The following ZFHX3 variants were observed in gnomAD, a reference collection of about 807,000 sequenced individuals.
The protein encoded by ZFHX3 is zinc finger homeobox protein 3.
Under a neutral mutation model 279.1 loss-of-function variants are expected in ZFHX3, and 42 were observed. That is an observed-to-expected ratio of 0.15 (90% CI 0.12 to 0.19). ZFHX3 has a LOEUF of 0.19. ZFHX3 is among the 10% of genes least tolerant of loss of function. The pLI is 1.00. For synonymous variants in ZFHX3, 2,293 were observed against 1,957.8 expected (o/e 1.17, Z -4.52); for missense variants, 4,981 against 4,754.0 (o/e 1.05, Z -1.40).
chr16:73,482,970 C>T (rs1182096126), intron 2 of ZFHX3, among the ~76,000 whole-genome samples: 1 of 152,252 alleles, frequency 6.6e-6, no homozygotes, highest in African/African-American at 2.4e-5. Flanking sequence ...CCATTAACTA[C>T]CGCAAGACAC....
intron 3 of ZFHX3, among the ~76,000 whole-genome samples, chr16:73,406,075 G>C (rs1239810495): frequency 6.6e-6 from 1 of 152,230 alleles, no homozygotes; most frequent in African/African-American, 2.4e-5. Flanking sequence ...GGAGGAGGGA[G>C]CAGAACAAAA....
At chr16:73,725,140 T>A (rs1053956300) in intron 1 of ZFHX3, among the ~76,000 whole-genome samples, 30 of 152,182 alleles carry the variant, frequency 2.0e-4, no homozygotes, top group African/African-American at 6.8e-4. Flanking sequence ...CTGACAAACA[T>A]CTGGTCAATC....
At chr16:73,439,411 G>A (rs899740565) in intron 3 of ZFHX3, among the ~76,000 whole-genome samples, 14 of 152,068 alleles carry the variant, frequency 9.2e-5, no homozygotes, top group Non-Finnish European at 1.3e-4. Flanking sequence ...GAGATGAAGT[G>A]CGCGTTTAGG....
chr16:73,848,048 C>T (rs1229822585), intron 1 of ZFHX3, among the ~76,000 whole-genome samples: 7 of 151,796 alleles, frequency 4.6e-5, no homozygotes, highest in Non-Finnish European at 7.4e-5. Context: ...CGTGAGCCAC[C>T]GCGCCCGGCC....
intron 1 of ZFHX3, among the ~76,000 whole-genome samples, chr16:72,962,061 G>A (rs957609473): frequency 6.6e-6 from 1 of 152,224 alleles, no homozygotes; most frequent in Admixed American, 6.5e-5. Context: ...CAAAAAGGTT[G>A]GCAGGCCTGA....
chr16:73,878,307 C>T (rs1244910432), intron 1 of ZFHX3, among the ~76,000 whole-genome samples: 1 of 151,880 alleles, frequency 6.6e-6, no homozygotes, highest in Non-Finnish European at 1.5e-5. Flanking sequence ...ATACATGAAA[C>T]CGAGAGGTGA....
intron 7 of ZFHX3, among the ~76,000 whole-genome samples, chr16:73,103,501 T>C (rs899089054): frequency 4.6e-5 from 7 of 152,172 alleles, no homozygotes; most frequent in African/African-American, 1.7e-4. Flanking sequence ...TACTTCCTTA[T>C]CCTTATTTCC....
chr16:73,759,994 A>G (rs1367175401), intron 1 of ZFHX3, among the ~76,000 whole-genome samples: 2 of 145,730 alleles, frequency 1.4e-5, no homozygotes, highest in African/African-American at 2.5e-5. Context: ...CAAAACATCA[A>G]TGAATCCAGG....
At chr16:72,838,430 G>A (rs989336637) in intron 4 of ZFHX3, among the ~76,000 whole-genome samples, 2 of 152,150 alleles carry the variant, frequency 1.3e-5, no homozygotes, top group Non-Finnish European at 2.9e-5. Context: ...CTCTCCATTT[G>A]CCTTTTTACT....
intron 2 of ZFHX3, among the ~76,000 whole-genome samples, chr16:73,488,542 G>A (rs1218051856): frequency 6.6e-6 from 1 of 152,168 alleles, no homozygotes; most frequent in Non-Finnish European, 1.5e-5. Context: ...GATCTCAATG[G>A]CTGCCTCCTG....
intron 1 of ZFHX3, among the ~76,000 whole-genome samples, chr16:73,771,666 A>G (rs1033240305): frequency 1.3e-5 from 2 of 151,954 alleles, no homozygotes; most frequent in Admixed American, 1.3e-4. Flanking sequence ...TTCCATTACT[A>G]TCTCACTCAA....
At chr16:73,206,357 C>T in intron 5 of ZFHX3, among the ~76,000 whole-genome samples, 1 of 152,250 alleles carries the variant, frequency 6.6e-6, no homozygotes, top group East Asian at 1.9e-4. Context: ...ACTGGGGAGG[C>T]ATGGGAGATA....
intron 1 of ZFHX3, among the ~76,000 whole-genome samples, chr16:73,031,961 CA>C (rs1964719318): frequency 6.6e-6 from 1 of 151,572 alleles, no homozygotes; most frequent in South Asian, 2.1e-4. Flanking sequence ...GGCATTGCCT[CA>C]AAACTTTATG....
intron 3 of ZFHX3, among the ~76,000 whole-genome samples, chr16:73,417,241 T>C (rs1449257726): frequency 6.6e-6 from 1 of 151,906 alleles, no homozygotes; most frequent in Non-Finnish European, 1.5e-5. Context: ...TTAAGGGAGC[T>C]GAAGGAAACA....
At chr16:73,433,534 C>A (rs1476965160) in intron 3 of ZFHX3, among the ~76,000 whole-genome samples, 1 of 152,140 alleles carries the variant, frequency 6.6e-6, no homozygotes, top group Non-Finnish European at 1.5e-5. Flanking sequence ...TGATAAGGCC[C>A]CTCCTGGCAA....
intron 2 of ZFHX3, among the ~76,000 whole-genome samples, chr16:73,597,448 C>T (rs547383956): frequency 1.3e-3 from 200 of 152,264 alleles, no homozygotes; most frequent in African/African-American, 4.7e-3. Flanking sequence ...CACTAAAATT[C>T]GTGTCCACCC....
chr16:73,549,965 A>G (rs2020178909), intron 2 of ZFHX3, among the ~76,000 whole-genome samples: 1 of 151,496 alleles, frequency 6.6e-6, no homozygotes, highest in Admixed American at 6.6e-5. Flanking sequence ...GTCTTTTCTC[A>G]GTGTCAGACT....
At chr16:73,883,124 T>A (rs957969753) in intron 1 of ZFHX3, among the ~76,000 whole-genome samples, 1 of 152,184 alleles carries the variant, frequency 6.6e-6, no homozygotes, top group African/African-American at 2.4e-5. Context: ...TTGTTGTTTT[T>A]CTTTTTTTAA....
intron 2 of ZFHX3, among the ~76,000 whole-genome samples, chr16:73,498,804 C>A (rs1597359206): frequency 6.6e-6 from 1 of 152,166 alleles, no homozygotes; most frequent in Non-Finnish European, 1.5e-5. Flanking sequence ...GGGGGTTTAA[C>A]CTGGGGCAAC....
Sources: allele counts gnomAD v4.1 joint callset (sites outside exome capture counted in the v4.1 genomes callset), GRCh38; gene constraint gnomAD v4.1.1; transcripts MANE v1.5; gene names NCBI Gene and HGNC (gene_info 2026-07-23, HGNC 2026-07-21).